Variants in TCF7 observed in about 807,000 individuals in gnomAD.
TCF7 encodes transcription factor 7.
In TCF7, 19 loss-of-function variants were observed where a neutral mutation model predicts 46.8. The observed-to-expected ratio is 0.41, with a 90% confidence interval of 0.28 to 0.60. The LOEUF (loss-of-function observed/expected upper bound fraction) is 0.60, where lower values mean the gene tolerates loss of function less well. TCF7 is among the 20% of genes least tolerant of loss of function. The probability of loss-of-function intolerance (pLI) is 0.35; values close to 1 mark genes in which losing one functional copy is unlikely to be tolerated. For missense variants in TCF7, 547 were observed against 504.6 expected, an observed-to-expected ratio of 1.08 and a Z score of -0.81; for synonymous variants, 245 against 213.4, an observed-to-expected ratio of 1.15 and a Z score of -1.29.
chr5:134,145,934 C>G, intron 9 of TCF7: 1 of 1,499,424 alleles, frequency 6.7e-7, no homozygotes, highest in South Asian at 1.3e-5. Context: ...TGGGAGATGA[C>G]TCCCTTGGAA....
intron 3 of TCF7, among the ~76,000 whole-genome samples, chr5:134,125,617 G>A (rs979373909): frequency 6.6e-6 from 1 of 152,246 alleles, no homozygotes; most frequent in Non-Finnish European, 1.5e-5. Flanking sequence ...CCCCAGGCTT[G>A]TCATGCCTGG....
rs1359950568 is a variant in TCF7, at chr5:134,147,349, C to G, written c.*1046C>G. 1.3e-5 allele frequency: 2 copies of G among 152,424 alleles called. No homozygotes were observed. The highest frequency in any genetic ancestry group is 2.9e-5 in the Non-Finnish European group (2 of 68,216). 9.4% of individuals were successfully genotyped at this position (152,424 alleles called of 1,614,324 possible). ...GGCCCAAATCCAGTGTGCACCCCTC[C>G]CCATTCACAGAGCCTTTTTCACAAT... On this transcript the variant is annotated 3_prime_UTR_variant, in exon 10 of 10. Transcript: ENST00000342854.
chr5:134,115,887 G>C (rs1319110085), intron 2 of TCF7, 22 bp from the exon 3 acceptor site: 5 of 1,613,734 alleles, frequency 3.1e-6, no homozygotes, highest in Non-Finnish European at 4.2e-6. Context: ...TGGTGTGTCT[G>C]ACCCAGCTGT....
chr5:134,121,033 G>C (rs1756503067), intron 3 of TCF7, among the ~76,000 whole-genome samples: 1 of 152,200 alleles, frequency 6.6e-6, no homozygotes, highest in African/African-American at 2.4e-5. Context: ...TGGGCACGGA[G>C]GGGTCTGGAG....
chr5:134,139,093 G>A (rs1759341951), intron 5 of TCF7, 55 bp downstream of exon 5: 1 of 1,595,402 alleles, frequency 6.3e-7, no homozygotes, highest in Non-Finnish European at 8.5e-7. Flanking sequence ...ACCAAGACCT[G>A]CCTGCCCTTC....
At chr5:134,144,923 C>A in intron 9 of TCF7, 1 of 1,503,504 alleles carries the variant, frequency 6.7e-7, no homozygotes, top group Non-Finnish European at 9.3e-7. Flanking sequence ...TTCCCTGACT[C>A]TGCACATGTT....
At chr5:134,113,995 G>T (rs1412262206), upstream of TCF7, among the ~76,000 whole-genome samples, 2 of 152,222 alleles carry the variant, frequency 1.3e-5, no homozygotes, top group African/African-American at 4.8e-5. Flanking sequence ...GGACTTGGAG[G>T]ATCGGCTGAG....
At chr5:134,144,774 C>T (rs373257043) in intron 9 of TCF7, 87 of 1,607,378 alleles carry the variant, frequency 5.4e-5, no homozygotes, top group South Asian at 1.1e-5. Context: ...CCTGCTCTAC[C>T]CCTCTGGCAT....
In TCF7 at chr5:134,147,801, C is replaced by T. The variant is rs1305706578; in HGVS notation, c.*1498C>T. ...GACCAGCCTGGCCAACATGGTGAAACCCTGTATCTACTAAAAATACAAAAA... is the reference window on the plus strand; with the variant it reads ...GACCAGCCTGGCCAACATGGTGAAATCCTGTATCTACTAAAAATACAAAAA... On this transcript the variant is annotated 3_prime_UTR_variant, in exon 10 of 10. Coordinates refer to ENST00000342854, the MANE Select transcript of TCF7 (RefSeq NM_003202.5). 1 of 151,966 alleles carries T rather than the reference C, an allele frequency of 6.6e-6. No homozygotes were observed. Among genetic ancestry groups the T allele is most frequent in the Non-Finnish European group, 1.5e-5 (1 of 68,002 alleles). 9.4% of individuals were successfully genotyped at this position (151,966 alleles called of 1,614,324 possible).
At chr5:134,131,701 C>T (rs1463963145) in intron 3 of TCF7, among the ~76,000 whole-genome samples, 1 of 152,258 alleles carries the variant, frequency 6.6e-6, no homozygotes, top group African/African-American at 2.4e-5. Flanking sequence ...CCCTGCCATC[C>T]AGGACCCCCA....
Position 134,114,977 on chromosome 5 carries a change from T to G in TCF7, c.71T>G (p.Leu24Arg). Residue 24 changes from leucine (L) to arginine (R), a missense_variant, in exon 1 of 10, where the codon CTG (leucine) becomes CGG (arginine). Leu to Arg is a moderately radical substitution (Grantham distance 102). Coordinates refer to ENST00000342854, the MANE Select transcript of TCF7 (RefSeq NM_003202.5). ...GDDLGAPDEL[L>R]AFQDEGEEQD... Reference sequence around the variant, plus strand: ...GACCTCGGCGCGCCGGACGAGCTGCTGGCCTTCCAGGATGAAGGCGAGGAG... The same window carrying G: ...GACCTCGGCGCGCCGGACGAGCTGCGGGCCTTCCAGGATGAAGGCGAGGAG... 5 of 1,205,154 alleles carry G rather than the reference T, an allele frequency of 4.1e-6. No individual in the cohort carries two copies. Among genetic ancestry groups the G allele is most frequent in the Non-Finnish European group, 4.2e-6 (4 of 946,134 alleles). The allele number at this position is 1,205,154 out of a possible 1,614,324, so 74.7% of individuals were successfully genotyped here. A position where few individuals can be genotyped will look rare whatever the true frequency, so the allele number is the denominator to read the frequency against.
intron 3 of TCF7, chr5:134,123,602 C>T (rs970256145): frequency 4.5e-6 from 2 of 439,902 alleles, no homozygotes; most frequent in African/African-American, 2.0e-5. Context: ...CTGGCATGCT[C>T]CATCAGCAGA....
chr5:134,135,052 C>A (rs551723319), intron 3 of TCF7, among the ~76,000 whole-genome samples: 1 of 152,334 alleles, frequency 6.6e-6, no homozygotes, highest in African/African-American at 2.4e-5. Flanking sequence ...CTCCAGGGCT[C>A]CAATGATCCT....
intron 3 of TCF7, among the ~76,000 whole-genome samples, chr5:134,131,674 G>C (rs1160797025): frequency 6.6e-6 from 1 of 152,226 alleles, no homozygotes; most frequent in Admixed American, 6.5e-5. Context: ...CCCAGACAGA[G>C]ATGACTAACC....
intron 5 of TCF7, chr5:134,141,859 A>C: frequency 8.9e-6 from 2 of 224,662 alleles, no homozygotes; most frequent in Non-Finnish European, 8.8e-6. Flanking sequence ...CAGGAGAGGG[A>C]TGAGGCCTCA....
intron 8 of TCF7, 118 bp from the exon 9 acceptor site, chr5:134,143,474 C>T: frequency 8.1e-7 from 1 of 1,231,476 alleles, no homozygotes; most frequent in African/African-American, 1.5e-5. Flanking sequence ...ACCAGCACCC[C>T]AAGGTAGGAG....
rs768130298 is a variant in TCF7 at position 134,143,434 on chromosome 5, G to A, written c.1027-158G>A. On this transcript the variant is annotated intron_variant, in intron 8 of 9. Transcript: ENST00000342854. ...GAAGAGCTTCTAAATGCACTCCATA[G>A]CAGCCTAGCAAGACCAGCAATCAAG... is the stretch of plus-strand genomic sequence containing the variant. The A allele has an allele frequency of 4.0e-5, 36 of 889,170 alleles. No homozygotes were observed. In the Middle Eastern group the frequency reaches 1.1e-3, roughly 26 times the overall value. 55.1% of individuals were successfully genotyped at this position (889,170 alleles called of 1,614,324 possible).
chr5:134,117,436 C>G (rs1046938396), intron 3 of TCF7, among the ~76,000 whole-genome samples: 1 of 152,248 alleles, frequency 6.6e-6, no homozygotes, highest in African/African-American at 2.4e-5. Flanking sequence ...AAACTTCCAA[C>G]AGGTGTGCCA....
At chr5:134,144,501 G>A (rs755095817) in intron 9 of TCF7, 16 of 409,200 alleles carry the variant, frequency 3.9e-5, no homozygotes, top group Non-Finnish European at 6.7e-5. Flanking sequence ...CCTCCATGCT[G>A]CAAGGGCCCC....
Sources: allele counts gnomAD v4.1 joint callset (sites outside exome capture counted in the v4.1 genomes callset), GRCh38; gene constraint gnomAD v4.1.1; transcripts MANE v1.5; gene names NCBI Gene and HGNC (gene_info 2026-07-23, HGNC 2026-07-21).